Variants in OTOGL observed in about 807,000 individuals in gnomAD.
OTOGL encodes the protein otogelin like, also known as otogelin-like protein.
OTOGL carries 285 observed loss-of-function variants against 318.5 expected under a neutral mutation model. That is an observed-to-expected ratio of 0.89 (90% CI 0.81 to 0.99). The LOEUF (loss-of-function observed/expected upper bound fraction) is 0.99. Ranked by LOEUF, OTOGL falls within the 50% of genes least tolerant of loss-of-function variation. The pLI is 0.00. For synonymous variants in OTOGL, 987 were observed against 936.5 expected (o/e 1.05, Z -0.99); for missense variants, 2,899 against 2,845.6 (o/e 1.02, Z -0.43).
At position 80,344,984 on chromosome 12, in the gene OTOGL, T is replaced by C. The variant is rs555400271; in HGVS notation, c.5265+2822T>C. On this transcript the variant is annotated intron_variant, in intron 44 of 58. Coordinates refer to ENST00000547103, the MANE Select transcript of OTOGL (RefSeq NM_001378609.3). ...CAATTTAAAGAAGGCATTGGCTATA[T>C]ATTATATATTATATTTTATATATTA... 2.0e-4 allele frequency among the ~76,000 whole-genome samples: 28 copies of C among 143,064 alleles called. No individual in the cohort carries two copies. The East Asian group carries it at 5.5e-3, about 28-fold the overall frequency. 93.9% of individuals were successfully genotyped at this position (143,064 alleles called of 152,430 possible).
Position 80,352,348 on chromosome 12 carries a change from G to T in OTOGL, c.5319G>T (p.Trp1773Cys), listed in dbSNP as rs1889602228. 6.2e-7 allele frequency: 1 copy of T among 1,612,262 alleles called. No homozygotes were observed. The change falls in exon 45 of 59, where the codon TGG (tryptophan) becomes TGT (cysteine). Residue 1773 changes from tryptophan to cysteine, a missense_variant. Transcript: ENST00000547103. ...TGTGGATCAATTATACCTATTTTTG[G>T]AACTATGAATGTGATGCACTTTCTG... The part of the protein sequence containing the change: ...EKMWINYTYF[W>C]NYECDALSAY...
chr12:80,322,954 C>T (rs1365474569), intron 34 of OTOGL, among the ~76,000 whole-genome samples: 4 of 152,002 alleles, frequency 2.6e-5, no homozygotes, highest in African/African-American at 9.7e-5. Flanking sequence ...GTCTCAATTT[C>T]CTCATTTATA....
chr12:80,197,120 T>C (rs1876127309), intron 1 of OTOGL, among the ~76,000 whole-genome samples: 1 of 152,176 alleles, frequency 6.6e-6, no homozygotes, highest in Non-Finnish European at 1.5e-5. Flanking sequence ...TTTCAGCCAA[T>C]TGCCAATCAG....
intron 30 of OTOGL, 117 bp from the exon 31 acceptor site, chr12:80,313,359 G>C (rs1886761987): frequency 1.1e-6 from 1 of 893,464 alleles, no homozygotes; most frequent in Admixed American, 2.3e-5. Flanking sequence ...AACTCTCTAG[G>C]TGGCAGTGTT....
At position 80,316,193 on chromosome 12, in the gene OTOGL, G is replaced by A. The variant is rs187863774; in HGVS notation, c.3634+1862G>A. Among the ~76,000 whole-genome samples, 13 of 152,240 alleles carry A rather than the reference G, an allele frequency of 8.5e-5. No individual in the cohort carries two copies. The South Asian group carries it at 1.0e-3, about 12-fold the overall frequency. ...CCAGTGAGCATGACCTCCATGCTAC[G>A]TGGCCTACTGTATGGTTAATACATC... On this transcript the variant is annotated intron_variant, in intron 32 of 58. Coordinates refer to ENST00000547103, the MANE Select transcript of OTOGL (RefSeq NM_001378609.3).
At chr12:80,186,802 T>A (rs1257564788) in intron 1 of OTOGL, among the ~76,000 whole-genome samples, 1 of 152,094 alleles carries the variant, frequency 6.6e-6, no homozygotes, top group Non-Finnish European at 1.5e-5. Context: ...GAAGTTTTGC[T>A]TCCTGTGAAT....
At chr12:80,184,303 A>C (rs1875134158) in intron 1 of OTOGL, among the ~76,000 whole-genome samples, 1 of 152,218 alleles carries the variant, frequency 6.6e-6, no homozygotes, top group Admixed American at 6.5e-5. Context: ...TAAGAAGACA[A>C]GACACTTTTA....
intron 5 of OTOGL, 94 bp downstream of exon 5, chr12:80,217,758 C>T (rs1415289577): frequency 2.2e-6 from 2 of 921,616 alleles, no homozygotes; most frequent in African/African-American, 1.7e-5. Context: ...CCGTATACCA[C>T]ATGAAGGAAA....
At chr12:80,132,096 C>T (rs1475326071) in intron 1 of OTOGL, 1 of 152,188 alleles carries the variant, frequency 6.6e-6, no homozygotes, top group Non-Finnish European at 1.5e-5. Context: ...GCCCAGAAAT[C>T]TGTCTTTTGG....
intron 44 of OTOGL, among the ~76,000 whole-genome samples, chr12:80,344,620 A>G (rs1384868237): frequency 2.0e-5 from 3 of 152,218 alleles, no homozygotes; most frequent in African/African-American, 7.2e-5. Context: ...ACAACCACAT[A>G]AAACTATTCC....
At chr12:80,341,911 A>T in intron 43 of OTOGL, 37 bp from the exon 44 acceptor site, 1 of 1,410,262 alleles carries the variant, frequency 7.1e-7, no homozygotes, top group South Asian at 1.3e-5. Flanking sequence ...ACATTAGTTT[A>T]AGTTTTTTTC....
intron 26 of OTOGL, among the ~76,000 whole-genome samples, chr12:80,283,276 G>A (rs574642966): frequency 4.6e-5 from 7 of 151,882 alleles, no homozygotes; most frequent in Non-Finnish European, 8.8e-5. Context: ...GACTTCCAAT[G>A]GCCTCCAGTG....
chr12:80,343,095 C>T (rs185576932), intron 44 of OTOGL, among the ~76,000 whole-genome samples: 4 of 152,226 alleles, frequency 2.6e-5, no homozygotes, highest in South Asian at 2.1e-4. Flanking sequence ...AGGATGGTCT[C>T]GATCTCCTGA....
At position 80,211,955 on chromosome 12, in the gene OTOGL, G is replaced by T; in HGVS notation, c.126G>T (p.Gly42=). ...TCTTTTTGTTTTCTTCCAGAAACGG[G>T]TTTAATGAAAATCGACAGAAAAGAG... The part of the protein sequence containing the change: ...SSILMGTSKN[G]FNENRQKRAL... The change falls in exon 4 of 59, where the codon GGG becomes GGT. Residue 42 remains glycine (G), a synonymous_variant. Transcript: ENST00000547103. 6.4e-7 allele frequency: 1 copy of T among 1,571,180 alleles called. No individual in the cohort carries two copies. The highest frequency in any genetic ancestry group is 8.6e-7 in the Non-Finnish European group (1 of 1,165,024).
intron 1 of OTOGL, among the ~76,000 whole-genome samples, chr12:80,164,404 G>T (rs986494000): frequency 6.6e-6 from 1 of 152,102 alleles, no homozygotes; most frequent in African/African-American, 2.4e-5. Context: ...GTTCTGATTA[G>T]AATTCAGTCT....
In OTOGL at chr12:80,334,815, A is replaced by G. The variant is rs941847293; in HGVS notation, c.4423-1148A>G. ...GTTTCAGTAGAGTGGTAGGTCTAAA[A>G]TCCTCTGGGTGGTTCAGATGTCTGT... On this transcript the variant is annotated intron_variant, in intron 38 of 58. Transcript: ENST00000547103. 2.0e-5 allele frequency among the ~76,000 whole-genome samples: 3 copies of G among 152,198 alleles called. No individual in the cohort carries two copies. In the East Asian group the frequency reaches 5.8e-4, roughly 29 times the overall value.
intron 1 of OTOGL, among the ~76,000 whole-genome samples, chr12:80,127,629 G>C (rs1449693634): frequency 6.6e-6 from 1 of 152,224 alleles, no homozygotes; most frequent in Non-Finnish European, 1.5e-5. Flanking sequence ...ATATCCTGCA[G>C]AGTGTTTTCC....
chr12:80,201,482 G>A (rs1439493729), intron 1 of OTOGL, among the ~76,000 whole-genome samples: 2 of 152,050 alleles, frequency 1.3e-5, no homozygotes, highest in Admixed American at 6.6e-5. Context: ...ACCACAGGGA[G>A]GGCACAAAGT....
intron 43 of OTOGL, 56 bp downstream of exon 43, chr12:80,339,320 T>TTTTTTTTTTTTG: frequency 7.4e-7 from 1 of 1,344,424 alleles, no homozygotes; most frequent in Non-Finnish European, 1.0e-6. Flanking sequence ...TTTTTTTTTT[T>TTTTTTTTTTTTG]TTTCTATTCA....
Sources: gnomAD v4.1 joint callset for allele counts (sites outside exome capture counted in the v4.1 genomes callset) on GRCh38, gnomAD v4.1.1 for gene constraint, MANE v1.5 for transcripts, NCBI Gene and HGNC (gene_info 2026-07-23, HGNC 2026-07-21) for gene names.